SORD: variants seen among roughly 807,000 people sequenced by gnomAD.
SORD encodes sorbitol dehydrogenase, also known as (R,R)-butanediol dehydrogenase.
Under a neutral mutation model 35.6 loss-of-function variants are expected in SORD, and 18 were observed. That is an observed-to-expected ratio of 0.51 (90% confidence interval 0.35 to 0.75). The LOEUF (loss-of-function observed/expected upper bound fraction) is 0.75, where lower values mean the gene tolerates loss of function less well. SORD is among the 30% of genes least tolerant of loss of function. The pLI, the probability that SORD is intolerant of heterozygous loss-of-function variation, is 0.01. For missense variants in SORD, 250 were observed against 390.2 expected (o/e 0.64, Z 3.03); for synonymous variants, 106 against 152.9 (o/e 0.69, Z 2.26).
At chr15:45,035,561 A>T (rs1892850658) in intron 1 of SORD, among the ~76,000 whole-genome samples, 1 of 152,124 alleles carries the variant, frequency 6.6e-6, no homozygotes, top group Admixed American at 6.5e-5. Context: ...AGCAATCAGC[A>T]GGATGTGAGT....
At chr15:45,057,789 A>G (rs1566962661) in intron 3 of SORD, among the ~76,000 whole-genome samples, 1 of 152,286 alleles carries the variant, frequency 6.6e-6, no homozygotes, top group East Asian at 1.9e-4. Context: ...TCTCAAAAAA[A>G]ACAAAAAGAA....
At chr15:45,067,602 C>A (rs1244559310) in intron 5 of SORD, among the ~76,000 whole-genome samples, 1 of 152,114 alleles carries the variant, frequency 6.6e-6, no homozygotes, top group African/African-American at 2.4e-5. Context: ...ACCATAGTGT[C>A]ACATAGCATG....
chr15:45,023,221 C>G lies in SORD; in HGVS notation c.-63C>G. ...GTGCCCTGGACCCTCGGCTGGGTAG[C>G]GCCACCAGAGCGACCAAACGTCCCG... On this transcript the variant is annotated 5_prime_UTR_variant, in exon 1 of 9. Transcript: ENST00000267814. 6.4e-6 allele frequency: 9 copies of G among 1,395,972 alleles called. No individual in the cohort carries two copies. The highest frequency in any genetic ancestry group is 8.6e-6 in the Non-Finnish European group (9 of 1,045,844). The allele number at this position is 1,395,972 out of a possible 1,614,324, so 86.5% of individuals were successfully genotyped here. A position where few individuals can be genotyped will look rare whatever the true frequency, so the allele number is the denominator to read the frequency against.
intron 3 of SORD, among the ~76,000 whole-genome samples, chr15:45,051,356 G>A (rs922139052): frequency 5.9e-5 from 9 of 152,066 alleles, no homozygotes; most frequent in South Asian, 2.1e-4. Context: ...GCAATCCCAC[G>A]TAACTAAACA....
intron 3 of SORD, among the ~76,000 whole-genome samples, chr15:45,054,885 C>A (rs1338579793): frequency 6.6e-6 from 1 of 151,034 alleles, no homozygotes; most frequent in Admixed American, 6.6e-5. Flanking sequence ...TTTCCCAGCA[C>A]CATTTATTAA....
At chr15:45,031,660 T>C (rs1892788630) in intron 1 of SORD, among the ~76,000 whole-genome samples, 1 of 152,198 alleles carries the variant, frequency 6.6e-6, no homozygotes, top group African/African-American at 2.4e-5. Context: ...TTTCACCATG[T>C]TGCCCAGGCT....
At position 45,073,605 on chromosome 15, in the gene SORD, A is replaced by T; in HGVS notation, c.*75A>T. The T allele has an allele frequency of 6.8e-7, 1 of 1,472,228 alleles. No individual in the cohort carries two copies. The highest frequency in any genetic ancestry group is 9.1e-7 in the Non-Finnish European group (1 of 1,099,170). 91.2% of individuals were successfully genotyped at this position (1,472,228 alleles called of 1,614,324 possible). On this transcript the variant is annotated 3_prime_UTR_variant, in exon 9 of 9. Transcript: ENST00000267814. ...AATGGCTGGACATGGGTGGGCTCTG[A>T]TGCAGAACTTTCTCTTTTGAATGTT...
At chr15:45,028,596 G>C (rs1446736231) in intron 1 of SORD, among the ~76,000 whole-genome samples, 1 of 152,118 alleles carries the variant, frequency 6.6e-6, no homozygotes, top group Non-Finnish European at 1.5e-5. Flanking sequence ...ATAAATTAAA[G>C]GGAAAAATAA....
At chr15:45,067,616 A>T (rs1351234845) in intron 5 of SORD, among the ~76,000 whole-genome samples, 1 of 152,174 alleles carries the variant, frequency 6.6e-6, no homozygotes, top group Admixed American at 6.5e-5. Context: ...TAGCATGCAG[A>T]TACCATGGGG....
chr15:45,055,752 G>T (rs1446386476), intron 3 of SORD, among the ~76,000 whole-genome samples: 1 of 152,204 alleles, frequency 6.6e-6, no homozygotes, highest in Non-Finnish European at 1.5e-5. Context: ...TAAAATACTG[G>T]CAAACCAAAT....
intron 3 of SORD, among the ~76,000 whole-genome samples, chr15:45,050,203 T>C (rs959616605): frequency 5.9e-5 from 9 of 152,162 alleles, no homozygotes; most frequent in African/African-American, 1.9e-4. Context: ...TGCCTCAGCC[T>C]CCTGAGTAGC....
intron 3 of SORD, among the ~76,000 whole-genome samples, chr15:45,055,631 C>G (rs1245138476): frequency 6.6e-6 from 1 of 152,226 alleles, no homozygotes; most frequent in Non-Finnish European, 1.5e-5. Flanking sequence ...TCCTCCCTAA[C>G]TCATTTTATG....
At chr15:45,026,623 G>C (rs1295108788) in intron 1 of SORD, among the ~76,000 whole-genome samples, 1 of 108,264 alleles carries the variant, frequency 9.2e-6, no homozygotes, top group African/African-American at 7.3e-5. Flanking sequence ...GGAGTTGTTT[G>C]GGGAAACTCT....
At chr15:45,043,074 C>T (rs200365958) in intron 2 of SORD, among the ~76,000 whole-genome samples, 183 bp from the exon 3 acceptor site, 2,016 of 141,804 alleles carry the variant, frequency 0.014, 31 homozygotes, top group South Asian at 0.074. Flanking sequence ...CATGTGGAAG[C>T]TTGTTTGCCT....
At chr15:45,038,492 G>A (rs1180552545) in intron 1 of SORD, among the ~76,000 whole-genome samples, 2 of 152,198 alleles carry the variant, frequency 1.3e-5, no homozygotes, top group African/African-American at 4.8e-5. Flanking sequence ...CACAGGAGAA[G>A]AGGTTCAAAT....
intron 1 of SORD, among the ~76,000 whole-genome samples, chr15:45,039,419 T>C (rs1652354319): frequency 1.3e-5 from 2 of 152,222 alleles, no homozygotes; most frequent in African/African-American, 4.8e-5. Flanking sequence ...TGAGACACTG[T>C]GCCCGGGTAC....
chr15:45,025,828 G>A (rs1435802433), intron 1 of SORD, among the ~76,000 whole-genome samples: 1 of 152,174 alleles, frequency 6.6e-6, no homozygotes, highest in Non-Finnish European at 1.5e-5. Context: ...AGGCTTGGTT[G>A]TCACGATGAC....
chr15:45,035,019 C>T (rs1466456710), intron 1 of SORD, among the ~76,000 whole-genome samples: 1 of 152,112 alleles, frequency 6.6e-6, no homozygotes, highest in Admixed American at 6.5e-5. Context: ...CCAGCAGTGC[C>T]GGCCCGCCGG....
chr15:45,048,879 A>C (rs1595501515), intron 3 of SORD, among the ~76,000 whole-genome samples: 1 of 152,174 alleles, frequency 6.6e-6, no homozygotes. Flanking sequence ...TGCCTACGTA[A>C]CTTCCCTTAT....
Sources: allele counts gnomAD v4.1 joint callset (sites outside exome capture counted in the v4.1 genomes callset), GRCh38; gene constraint gnomAD v4.1.1; transcripts MANE v1.5; gene names NCBI Gene and HGNC (gene_info 2026-07-23, HGNC 2026-07-21).